Variants in TRAK2 observed in about 807,000 individuals in gnomAD.
TRAK2 encodes trafficking kinesin-binding protein 2.
A neutral mutation model predicts 104.6 loss-of-function variants in TRAK2; 81 were observed. The observed-to-expected ratio is 0.77, with a 90% CI of 0.65 to 0.93. The LOEUF is 0.93. Among genes scored for constraint, TRAK2 ranks in the 40% least tolerant of loss-of-function variants. The pLI, the probability that TRAK2 is intolerant of heterozygous loss-of-function variation, is 0.00. For synonymous variants in TRAK2, 406 were observed against 394.4 expected, an observed-to-expected ratio of 1.03 and a Z score of -0.35; for missense variants, 1,002 against 1,089.0, an observed-to-expected ratio of 0.92 and a Z score of 1.12.
intron 10 of TRAK2, among the ~76,000 whole-genome samples, chr2:201,391,878 C>T (rs1000470393): frequency 6.6e-6 from 1 of 152,020 alleles, no homozygotes; most frequent in Non-Finnish European, 1.5e-5. Flanking sequence ...AAGAACTGTC[C>T]CAGATGGAAA....
chr2:201,418,078 T>C (rs1951708906), intron 2 of TRAK2, among the ~76,000 whole-genome samples: 1 of 152,246 alleles, frequency 6.6e-6, no homozygotes, highest in Non-Finnish European at 1.5e-5. Context: ...ATATCAAGTT[T>C]ATGGATTAGG....
At chr2:201,405,612 C>G (rs1951586829) in intron 3 of TRAK2, among the ~76,000 whole-genome samples, 1 of 152,196 alleles carries the variant, frequency 6.6e-6, no homozygotes, top group Admixed American at 6.5e-5. Context: ...AACAAATAAA[C>G]TAAAGGGCAC....
intron 2 of TRAK2, among the ~76,000 whole-genome samples, chr2:201,417,241 C>CAAAAAAAAAAAAAAAAAG (rs1951700430): frequency 2.3e-5 from 2 of 88,414 alleles, no homozygotes; most frequent in African/African-American, 9.3e-5. Context: ...GAAGACATTG[C>CAAAAAAAAAAAAAAAAAG]AAAAAAAAAA....
At chr2:201,387,599 A>G in intron 13 of TRAK2, 104 bp downstream of exon 13, 2 of 1,203,792 alleles carry the variant, frequency 1.7e-6, no homozygotes, top group Non-Finnish European at 2.3e-6. Flanking sequence ...TAAAAAGATC[A>G]TCTGCACATA....
At chr2:201,446,146 C>G (rs1307673588) in intron 1 of TRAK2, among the ~76,000 whole-genome samples, 1 of 152,078 alleles carries the variant, frequency 6.6e-6, no homozygotes, top group African/African-American at 2.4e-5. Flanking sequence ...CCTCACTCCC[C>G]GAGAATTCTC....
intron 2 of TRAK2, among the ~76,000 whole-genome samples, chr2:201,416,107 G>A (rs897927090): frequency 6.6e-6 from 1 of 151,766 alleles, no homozygotes; most frequent in Non-Finnish European, 1.5e-5. Flanking sequence ...GGTGAAATAG[G>A]CCAGGCGTGG....
At chr2:201,388,426 T>C (rs1202035961) in intron 12 of TRAK2, among the ~76,000 whole-genome samples, 1 of 152,194 alleles carries the variant, frequency 6.6e-6, no homozygotes, top group Admixed American at 6.5e-5. Flanking sequence ...TAAGGCATAC[T>C]ATCAGTTACA....
At chr2:201,411,384 C>T (rs2125651077) in intron 2 of TRAK2, 1 of 748,158 alleles carries the variant, frequency 1.3e-6, no homozygotes, top group South Asian at 1.3e-5. Context: ...TCCAATGTGG[C>T]TAAAAACCTT....
chr2:201,417,209 T>A (rs1576524874), intron 2 of TRAK2, among the ~76,000 whole-genome samples: 1 of 124,844 alleles, frequency 8.0e-6, no homozygotes, highest in Non-Finnish European at 1.6e-5. Context: ...AGGCCAGTAT[T>A]ACCTCAATAT....
intron 2 of TRAK2, chr2:201,410,575 G>T: frequency 8.1e-7 from 1 of 1,235,152 alleles, no homozygotes; most frequent in Non-Finnish European, 1.2e-6. Flanking sequence ...ATCATTGCTA[G>T]CTGAACTGCT....
At chr2:201,400,850 T>C (rs1171341997) in intron 4 of TRAK2, among the ~76,000 whole-genome samples, 168 bp downstream of exon 4, 2 of 152,012 alleles carry the variant, frequency 1.3e-5, no homozygotes, top group Non-Finnish European at 2.9e-5. Flanking sequence ...AATAATAAAC[T>C]TTAGGAAACA....
At chr2:201,436,859 C>T (rs1405964405) in intron 1 of TRAK2, among the ~76,000 whole-genome samples, 3 of 152,138 alleles carry the variant, frequency 2.0e-5, no homozygotes, top group South Asian at 4.1e-4. Context: ...ATGACCAGAA[C>T]AGAGGGTAAC....
At chr2:201,421,865 A>C (rs1951743766) in intron 1 of TRAK2, among the ~76,000 whole-genome samples, 1 of 152,102 alleles carries the variant, frequency 6.6e-6, no homozygotes, top group Admixed American at 6.5e-5. Flanking sequence ...CCTAGCCAAC[A>C]TGGTGAAACC....
At chr2:201,417,397 T>C (rs971522690) in intron 2 of TRAK2, among the ~76,000 whole-genome samples, 1 of 151,624 alleles carries the variant, frequency 6.6e-6, no homozygotes, top group Non-Finnish European at 1.5e-5. Context: ...AAAAAGATAA[T>C]ATATCATAAC....
chr2:201,387,951 G>A lies in TRAK2; in HGVS notation c.1448C>T (p.Ala483Val), dbSNP rs1391159468. 2 of 1,614,154 alleles carry A rather than the reference G, an allele frequency of 1.2e-6. No individual in the cohort carries two copies. The highest frequency in any genetic ancestry group is 1.7e-6 in the Non-Finnish European group (2 of 1,180,020). The change falls in exon 13 of 16, where the codon GCT becomes GTT. Residue 483 changes from alanine (A) to valine (V), a missense_variant. Physicochemically the swap from Ala to Val is moderately conservative, Grantham distance 64 (BLOSUM62 0). Transcript: ENST00000332624. ...CAAGCTAAGGCGATGCAGTGCTGTA[G>A]CCAAATCACTATCTCCTGAGGGTCC... is the stretch of plus-strand genomic sequence containing the variant. ...QPGPSGDSDL[A>V]TALHRLSLRR...
chr2:201,447,670 C>T lies in TRAK2; in HGVS notation c.-200+3680G>A, dbSNP rs183258465. The stretch of plus-strand genomic sequence containing the variant: ...CAGACTGGATTAGAACCCACCCTAA[C>T]GGCTTCATCTGAACTTAATCACCCC... On this transcript the variant is annotated intron_variant, in intron 1 of 15. Coordinates refer to ENST00000332624, the MANE Select transcript of TRAK2 (RefSeq NM_015049.3). The surrounding 1 kb of genome is among the most constrained non-coding windows in gnomAD (Gnocchi z 4.1). Among the ~76,000 whole-genome samples the T allele has an allele frequency of 1.3e-5, 2 of 152,300 alleles. No individual in the cohort carries two copies. Among genetic ancestry groups the T allele is most frequent in the East Asian group, 3.9e-4 (2 of 5,176 alleles).
intron 8 of TRAK2, 163 bp downstream of exon 8, chr2:201,395,151 A>C: frequency 1.6e-6 from 1 of 641,894 alleles, no homozygotes; most frequent in East Asian, 2.8e-5. Flanking sequence ...TTTATTCATG[A>C]TATCTTATAT....
rs1409470489 is a variant in TRAK2, at chr2:201,407,525, C to T, written c.164G>A (p.Arg55Lys). The change falls in exon 3 of 16, where the codon AGG becomes AAG. Residue 55 changes from arginine (R) to lysine (K), a missense_variant. Physicochemically the swap from Arg to Lys is conservative, Grantham distance 26 (BLOSUM62 2). Coordinates refer to ENST00000332624, the MANE Select transcript of TRAK2 (RefSeq NM_015049.3). ...TAGAAAGAGAGTGTCTACTTTTAGC[C>T]TATACTGTGGTAGTTGTTCTTCTAG... Reference protein sequence around the residue: ...SLLEEQLPQYRLKVDTLFLYE... With the variant: ...SLLEEQLPQYKLKVDTLFLYE... 1 of 1,614,094 alleles carries T rather than the reference C, an allele frequency of 6.2e-7. No homozygotes were observed. The highest frequency in any genetic ancestry group is 8.5e-7 in the Non-Finnish European group (1 of 1,179,988).
rs543604160 is a variant in TRAK2 at position 201,390,489 on chromosome 2, G to A, written c.1114-609C>T. 2.5e-3 allele frequency among the ~76,000 whole-genome samples: 378 copies of A among 150,050 alleles called. 3 individuals are homozygous for A. Among genetic ancestry groups the A allele is most frequent in the African/African-American group, 8.5e-3 (350 of 40,966 alleles). ...TGAGGCAGGAGAATGACGTGAACCCGGGAGGCAGAGCTTTCAGTGAGCTGA... is the reference window on the plus strand; with the variant it reads ...TGAGGCAGGAGAATGACGTGAACCCAGGAGGCAGAGCTTTCAGTGAGCTGA... On this transcript the variant is annotated intron_variant, in intron 10 of 15. Coordinates refer to ENST00000332624, the MANE Select transcript of TRAK2 (RefSeq NM_015049.3).
Sources: gnomAD v4.1 joint callset for allele counts (sites outside exome capture counted in the v4.1 genomes callset) on GRCh38, gnomAD v4.1.1 for gene constraint, Gnocchi (gnomAD v3.1) non-coding constraint, MANE v1.5 for transcripts, NCBI Gene and HGNC (gene_info 2026-07-23, HGNC 2026-07-21) for gene names.